Variants in OSBP2 observed in about 807,000 individuals in gnomAD.
OSBP2 encodes oxysterol binding protein 2.
OSBP2 carries 66 observed loss-of-function variants against 96.0 expected under a neutral mutation model. The observed-to-expected ratio is 0.69, with a 90% CI of 0.56 to 0.84. The LOEUF (loss-of-function observed/expected upper bound fraction) is 0.84, where lower values mean the gene tolerates loss of function less well. Ranked by LOEUF, OSBP2 falls within the 40% of genes least tolerant of loss-of-function variation. The pLI is 0.00. For missense variants in OSBP2, 1,038 were observed against 1,222.7 expected, an observed-to-expected ratio of 0.85 and a Z score of 2.25; for synonymous variants, 525 against 520.9, an observed-to-expected ratio of 1.01 and a Z score of -0.11.
At chr22:30,721,831 C>A (rs1433188814) in intron 1 of OSBP2, among the ~76,000 whole-genome samples, 7 of 152,138 alleles carry the variant, frequency 4.6e-5, no homozygotes, top group Non-Finnish European at 1.0e-4. Flanking sequence ...AAATTCATGG[C>A]ATTTCAATCT....
chr22:30,897,528 C>T lies in OSBP2; in HGVS notation c.2375+3527C>T, dbSNP rs533477168. On this transcript the variant is annotated intron_variant, in intron 12 of 13. Coordinates refer to ENST00000332585, the MANE Select transcript of OSBP2 (RefSeq NM_030758.4). The stretch of plus-strand genomic sequence containing the variant: ...TATAAGACAATTAAGATAGAAGTTA[C>T]AAGCAAAATGACCAAAAAATCCCAA... 2.6e-5 allele frequency among the ~76,000 whole-genome samples: 4 copies of T among 152,172 alleles called. No homozygotes were observed. In the South Asian group the frequency reaches 8.3e-4, roughly 32 times the overall value.
chr22:30,892,125 T>G (rs2039962430), intron 8 of OSBP2, among the ~76,000 whole-genome samples: 2 of 145,282 alleles, frequency 1.4e-5, no homozygotes, highest in Non-Finnish European at 1.5e-5. Context: ...GAGGTGGGAG[T>G]GGAGGGGGCA....
intron 2 of OSBP2, among the ~76,000 whole-genome samples, chr22:30,799,387 G>T (rs906215194): frequency 6.6e-6 from 1 of 152,236 alleles, no homozygotes; most frequent in African/African-American, 2.4e-5. Flanking sequence ...GCCTCCCAAA[G>T]TGCTGGGATT....
chr22:30,870,700 C>T lies in OSBP2; in HGVS notation c.1107+18C>T, dbSNP rs779979760. ...TGATCAACGTGAGTACCCACCCCCA[C>T]CGCCCTGGCACGGGGCTCCCTGGCT... On this transcript the variant is annotated intron_variant, in intron 3 of 13. Coordinates refer to ENST00000332585, the MANE Select transcript of OSBP2 (RefSeq NM_030758.4). The surrounding 1 kb of genome is among the most constrained non-coding windows in gnomAD (Gnocchi z 4.1). The T allele has an allele frequency of 6.2e-7, 1 of 1,606,024 alleles. No individual in the cohort carries two copies. Among genetic ancestry groups the T allele is most frequent in the South Asian group, 1.1e-5 (1 of 90,916 alleles).
At chr22:30,798,563 C>T (rs1465813166) in intron 2 of OSBP2, among the ~76,000 whole-genome samples, 1 of 152,226 alleles carries the variant, frequency 6.6e-6, no homozygotes, top group Non-Finnish European at 1.5e-5. Flanking sequence ...TCAGCTCTCA[C>T]ATTTCAGTCT....
rs1458124862 is a variant in OSBP2 at position 30,725,817 on chromosome 22, T to A, written c.645-15344T>A. ...TTTTTTTTTTTTTCCTGAGACAGAG[T>A]CTCACTCTGTCACCCAGGCTGAGTG... is the stretch of plus-strand genomic sequence containing the variant. On this transcript the variant is annotated intron_variant, in intron 1 of 13. Transcript: ENST00000332585. Among the ~76,000 whole-genome samples the A allele has an allele frequency of 3.7e-4, 54 of 146,612 alleles. No individual in the cohort carries two copies. The Admixed American group carries it at 3.8e-3, about 10-fold the overall frequency.
intron 3 of OSBP2, among the ~76,000 whole-genome samples, chr22:30,875,362 G>T (rs116068700): frequency 7.2e-5 from 11 of 151,878 alleles, no homozygotes; most frequent in South Asian, 2.1e-4. Context: ...TGATTGGCAG[G>T]GTTCTTTGTT....
chr22:30,779,559 C>T (rs868642628), intron 2 of OSBP2, among the ~76,000 whole-genome samples: 10 of 152,124 alleles, frequency 6.6e-5, no homozygotes, highest in South Asian at 2.1e-4. Context: ...TGGTCCTGGG[C>T]GGTATGGTCA....
chr22:30,749,789 G>A (rs968357073), intron 2 of OSBP2, among the ~76,000 whole-genome samples: 1 of 152,086 alleles, frequency 6.6e-6, no homozygotes, highest in African/African-American at 2.4e-5. Context: ...TGTATTTTTA[G>A]TAGAGACGAG....
Position 30,889,489 on chromosome 22 carries a change from G to A in OSBP2, c.1477-1G>A. On this transcript the variant is annotated splice_acceptor_variant, in intron 6 of 13. Transcript: ENST00000332585. LOFTEE classifies it high-confidence loss of function. ...TGAGGGGGTCCCCACTTATGTGGCA[G>A]GTACTAGATGGTGCCTCGCTCGTGC... The A allele has an allele frequency of 6.2e-7, 1 of 1,614,064 alleles. No homozygotes were observed.
At chr22:30,823,308 C>G (rs780283767) in intron 2 of OSBP2, among the ~76,000 whole-genome samples, 9 of 152,264 alleles carry the variant, frequency 5.9e-5, no homozygotes, top group Non-Finnish European at 1.3e-4. Flanking sequence ...AAATGGAAGA[C>G]TTGCAAACTC....
At chr22:30,694,149 T>A, upstream of OSBP2, 1 of 1,549,220 alleles carries the variant, frequency 6.5e-7, no homozygotes, top group South Asian at 1.2e-5. Context: ...AATCCCACTT[T>A]GAGATGTTTC....
At chr22:30,868,152 G>A (rs907105068) in intron 2 of OSBP2, among the ~76,000 whole-genome samples, 10 of 152,244 alleles carry the variant, frequency 6.6e-5, no homozygotes, top group African/African-American at 1.7e-4. Context: ...CCTGGCACCC[G>A]GAAAGGTGTG....
At chr22:30,792,194 TC>T (rs2090684819) in intron 2 of OSBP2, among the ~76,000 whole-genome samples, 1 of 151,958 alleles carries the variant, frequency 6.6e-6, no homozygotes, top group South Asian at 2.1e-4. Context: ...ATGCCTGTAA[TC>T]CCACCTACTC....
intron 2 of OSBP2, among the ~76,000 whole-genome samples, chr22:30,783,236 G>A (rs2090543771): frequency 7.0e-6 from 1 of 142,672 alleles, no homozygotes; most frequent in Non-Finnish European, 1.5e-5. Flanking sequence ...CTCAGGTTCT[G>A]CCTGTTTTCA....
At chr22:30,780,161 A>G (rs548867885) in intron 2 of OSBP2, among the ~76,000 whole-genome samples, 6 of 152,384 alleles carry the variant, frequency 3.9e-5, no homozygotes, top group African/African-American at 1.2e-4. Flanking sequence ...GCGAGCAGAA[A>G]GGCACTGTTA....
chr22:30,880,514 G>C (rs1291058172), intron 3 of OSBP2, among the ~76,000 whole-genome samples: 1 of 152,198 alleles, frequency 6.6e-6, no homozygotes, highest in South Asian at 2.1e-4. Flanking sequence ...TGAGCCCAGT[G>C]GCTGCCCACG....
At chr22:30,792,009 C>T (rs572837788) in intron 2 of OSBP2, among the ~76,000 whole-genome samples, 51 of 152,014 alleles carry the variant, frequency 3.4e-4, no homozygotes, top group Non-Finnish European at 5.7e-4. Context: ...ATTTAGGAAC[C>T]GCATACAGAA....
rs147057200 is a variant in OSBP2, at chr22:30,792,602, C to T, written c.853+51233C>T. The stretch of plus-strand genomic sequence containing the variant: ...GCCACCAGCATATGGCAATTAAAGT[C>T]AGATGAATAGAAGTAATATTCTCAA... On this transcript the variant is annotated intron_variant, in intron 2 of 13. Transcript: ENST00000332585. 4.9e-4 allele frequency among the ~76,000 whole-genome samples: 74 copies of T among 152,258 alleles called. 2 individuals are homozygous for T. The East Asian group carries it at 8.9e-3, about 18-fold the overall frequency.
Sources: gnomAD v4.1 joint callset for allele counts (sites outside exome capture counted in the v4.1 genomes callset) on GRCh38, gnomAD v4.1.1 for gene constraint, Gnocchi (gnomAD v3.1) non-coding constraint, MANE v1.5 for transcripts, NCBI Gene and HGNC (gene_info 2026-07-23, HGNC 2026-07-21) for gene names.